Variants in BAZ2B observed in about 807,000 individuals in gnomAD.
The protein encoded by BAZ2B is bromodomain adjacent to zinc finger domain protein 2B.
In BAZ2B, 91 loss-of-function variants were observed where a neutral mutation model predicts 246.0. The ratio of observed to expected loss-of-function variants is 0.37; its 90% CI spans 0.31 to 0.44. The LOEUF (loss-of-function observed/expected upper bound fraction) is 0.44, where lower values mean the gene tolerates loss of function less well. Among genes scored for constraint, BAZ2B ranks in the 20% least tolerant of loss-of-function variants. BAZ2B has a pLI of 1.00. For missense variants in BAZ2B, 2,332 were observed against 2,533.7 expected (o/e 0.92, Z 1.71); for synonymous variants, 855 against 860.0 (o/e 0.99, Z 0.10).
At chr2:159,564,918 T>C (rs1283788720) in intron 1 of BAZ2B, among the ~76,000 whole-genome samples, 4 of 152,214 alleles carry the variant, frequency 2.6e-5, no homozygotes, top group Admixed American at 2.0e-4. Flanking sequence ...TCACCCAGGC[T>C]GGAGTGAAGT....
chr2:159,359,518 A>C (rs1218402211), intron 27 of BAZ2B, among the ~76,000 whole-genome samples: 1 of 152,206 alleles, frequency 6.6e-6, no homozygotes. Flanking sequence ...GCCGAATTCT[A>C]CCAGAGGTAC....
chr2:159,432,832 C>T lies in BAZ2B; in HGVS notation c.1825G>A (p.Glu609Lys). 1 of 1,614,168 alleles carries T rather than the reference C, an allele frequency of 6.2e-7. No homozygotes were observed. Among genetic ancestry groups the T allele is most frequent in the Non-Finnish European group, 8.5e-7 (1 of 1,180,022 alleles). The change falls in exon 9 of 37, where the codon GAG (glutamate) becomes AAG (lysine). Residue 609 changes from glutamate (E) to lysine (K), a missense_variant. By Grantham distance (56) the Glu-to-Lys change is moderately conservative (BLOSUM62 1). Around this residue, in one of 9 missense-constraint regions of BAZ2B, gnomAD observed 651 missense variants for 650.9 expected, o/e 1.00. Transcript: ENST00000392783. Reference protein sequence around the residue: ...PSSKDSEDSNEDEEEDDEEED... With the variant: ...PSSKDSEDSNKDEEEDDEEED... Reference sequence around the variant, plus strand: ...TCTTCATCATCTTCCTCTTCATCCTCATTTGAATCTTCAGAATCTTTACTA... The same window carrying T: ...TCTTCATCATCTTCCTCTTCATCCTTATTTGAATCTTCAGAATCTTTACTA...
At chr2:159,332,379 C>T (rs2064932718) in intron 34 of BAZ2B, among the ~76,000 whole-genome samples, 161 bp downstream of exon 34, 1 of 151,608 alleles carries the variant, frequency 6.6e-6, no homozygotes, top group East Asian at 1.9e-4. Flanking sequence ...CTCAGCTACT[C>T]AAGAGATTGA....
At chr2:159,418,376 T>G (rs946707237) in intron 13 of BAZ2B, among the ~76,000 whole-genome samples, 1 of 152,208 alleles carries the variant, frequency 6.6e-6, no homozygotes, top group African/African-American at 2.4e-5. Flanking sequence ...AGGTGAACCC[T>G]TCATGAGGGA....
In BAZ2B at chr2:159,400,699, A is replaced by G. The variant is rs778718454; in HGVS notation, c.2833-35T>C. On this transcript the variant is annotated intron_variant, in intron 16 of 36. Transcript: ENST00000392783. ...AAGTTATGATAACTTGAGATAATAA[A>G]ATAAACTATCTGAGTAAAGAGTATT... The G allele has an allele frequency of 3.1e-5, 38 of 1,217,592 alleles. No homozygotes were observed. The South Asian group carries it at 4.5e-4, about 14-fold the overall frequency. The allele number at this position is 1,217,592 out of a possible 1,614,324, so 75.4% of individuals were successfully genotyped here.
At chr2:159,444,493 TA>T (rs2073951838) in intron 6 of BAZ2B, 1 of 152,180 alleles carries the variant, frequency 6.6e-6, no homozygotes, top group South Asian at 2.1e-4. Context: ...TTAGAGGAAA[TA>T]TATCTATGAA....
At chr2:159,373,726 G>A (rs2061100032) in intron 26 of BAZ2B, among the ~76,000 whole-genome samples, 1 of 152,218 alleles carries the variant, frequency 6.6e-6, no homozygotes, top group African/African-American at 2.4e-5. Context: ...CACCACCAGG[G>A]AGGCTGAGGT....
At chr2:159,655,929 A>G in the BAZ2B span, among the ~76,000 whole-genome samples, 37 of 151,998 alleles carry the variant, frequency 2.4e-4, no homozygotes, top group Non-Finnish European at 5.0e-4. Flanking sequence ...AGCTGTGTTG[A>G]GGTCCTTTGC....
At chr2:159,457,404 T>G (rs1387849164) in intron 3 of BAZ2B, among the ~76,000 whole-genome samples, 1 of 152,184 alleles carries the variant, frequency 6.6e-6, no homozygotes, top group Non-Finnish European at 1.5e-5. Context: ...AAAATAAATG[T>G]TTTTAATGAA....
chr2:159,637,872 A>G, the BAZ2B span, among the ~76,000 whole-genome samples: 2 of 152,158 alleles, frequency 1.3e-5, no homozygotes, highest in Non-Finnish European at 2.9e-5. Flanking sequence ...GTAAATTTCT[A>G]AAGTTTTTGA....
the BAZ2B span, among the ~76,000 whole-genome samples, chr2:159,675,454 G>A: frequency 2.0e-5 from 3 of 152,064 alleles, no homozygotes; most frequent in African/African-American, 7.2e-5. Flanking sequence ...TAAGTTTAAG[G>A]TGAAAATATG....
At chr2:159,547,258 TTTTAAAAATGCA>T (rs1266061240) in intron 2 of BAZ2B, among the ~76,000 whole-genome samples, 2 of 152,170 alleles carry the variant, frequency 1.3e-5, no homozygotes, top group Non-Finnish European at 2.9e-5. Context: ...GGATGTAATG[TTTTAAAAATGCA>T]TTTAAAAATG....
In BAZ2B at chr2:159,616,421, T is replaced by A. The variant is rs1340363412; in HGVS notation, c.-225A>T. The stretch of plus-strand genomic sequence containing the variant: ...GTGATCGGGAAAGCCTTCGACTCCC[T>A]CCTTCTCCGTCTTCCGCCTCTCTCT... On this transcript the variant is annotated 5_prime_UTR_variant, in exon 1 of 37. Coordinates refer to ENST00000392783, the MANE Select transcript of BAZ2B (RefSeq NM_013450.4). The A allele has an allele frequency of 6.6e-6, 1 of 152,216 alleles. No homozygotes were observed. The highest frequency in any genetic ancestry group is 1.5e-5 in the Non-Finnish European group (1 of 68,068). 9.4% of individuals were successfully genotyped at this position (152,216 alleles called of 1,614,324 possible).
chr2:159,411,596 A>G lies in BAZ2B; in HGVS notation c.2677+739T>C, dbSNP rs944447072. ...ATATAAGGTATCTACACATATGTTG[A>G]TATATTCAGACAGTCTTAAGCGGCT... On this transcript the variant is annotated intron_variant, in intron 14 of 36. Coordinates refer to ENST00000392783, the MANE Select transcript of BAZ2B (RefSeq NM_013450.4). Among the ~76,000 whole-genome samples, 16 of 152,256 alleles carry G rather than the reference A, an allele frequency of 1.1e-4. No individual in the cohort carries two copies. In the East Asian group the frequency reaches 3.1e-3, roughly 29 times the overall value.
chr2:159,639,613 G>A, the BAZ2B span, among the ~76,000 whole-genome samples: 33 of 151,954 alleles, frequency 2.2e-4, no homozygotes, highest in African/African-American at 6.8e-4. Flanking sequence ...GTGTTAAGTC[G>A]TCATCAGTTT....
At chr2:159,564,682 A>C (rs2090192241) in intron 1 of BAZ2B, among the ~76,000 whole-genome samples, 1 of 152,200 alleles carries the variant, frequency 6.6e-6, no homozygotes, top group African/African-American at 2.4e-5. Flanking sequence ...TTTGAGATAA[A>C]GAACAATGGG....
At chr2:159,397,298 A>G in intron 19 of BAZ2B, 47 bp downstream of exon 19, 1 of 1,396,588 alleles carries the variant, frequency 7.2e-7, no homozygotes, top group Non-Finnish European at 9.9e-7. Context: ...TTTAAGCAAT[A>G]TTATAAAATG....
chr2:159,477,208 G>A (rs1577536584), intron 3 of BAZ2B, among the ~76,000 whole-genome samples: 1 of 152,058 alleles, frequency 6.6e-6, no homozygotes, highest in Non-Finnish European at 1.5e-5. Context: ...GGGAGGCTGA[G>A]GCACAAGAAT....
At chr2:159,377,643 T>C (rs975128280) in intron 25 of BAZ2B, among the ~76,000 whole-genome samples, 1 of 151,776 alleles carries the variant, frequency 6.6e-6, no homozygotes, top group Non-Finnish European at 1.5e-5. Flanking sequence ...TGAAACCCTG[T>C]CTCTACTAAA....
Sources: gnomAD v4.1 joint callset for allele counts (sites outside exome capture counted in the v4.1 genomes callset) on GRCh38, gnomAD v4.1.1 for gene constraint, gnomAD v4.1.1 regional missense constraint, MANE v1.5 for transcripts, NCBI Gene and HGNC (gene_info 2026-07-23, HGNC 2026-07-21) for gene names.